Variants in RTCA observed in about 807,000 individuals in gnomAD.
RTCA encodes the protein RNA terminal phosphate cyclase domain 1.
RTCA carries 37 observed loss-of-function variants against 46.1 expected under a neutral mutation model. The observed-to-expected ratio is 0.80, with a 90% CI of 0.62 to 1.06. The LOEUF is 1.06. Among genes scored for constraint, RTCA ranks in the 50% least tolerant of loss-of-function variants. The probability of loss-of-function intolerance (pLI) is 0.00; values close to 1 mark genes in which losing one functional copy is unlikely to be tolerated. For missense variants in RTCA, 435 were observed against 455.5 expected, an observed-to-expected ratio of 0.95 and a Z score of 0.41; for synonymous variants, 164 against 158.3, an observed-to-expected ratio of 1.04 and a Z score of -0.27.
chr1:100,278,468 A>G (rs181718274), intron 8 of RTCA, among the ~76,000 whole-genome samples: 2 of 152,302 alleles, frequency 1.3e-5, no homozygotes, highest in Non-Finnish European at 2.9e-5. Context: ...ACTTTGTAGC[A>G]TCTTTAAAAA....
At chr1:100,272,832 A>T (rs1199311469) in intron 4 of RTCA, among the ~76,000 whole-genome samples, 1 of 152,240 alleles carries the variant, frequency 6.6e-6, no homozygotes, top group African/African-American at 2.4e-5. Flanking sequence ...ACAGAGCATT[A>T]TATACTGTAA....
intron 8 of RTCA, among the ~76,000 whole-genome samples, chr1:100,284,401 T>C (rs1666911306): frequency 6.6e-6 from 1 of 151,520 alleles, no homozygotes; most frequent in Non-Finnish European, 1.5e-5. Context: ...TCTTTAATTT[T>C]TTTTTTTTTT....
intron 3 of RTCA, among the ~76,000 whole-genome samples, chr1:100,269,741 CAT>C (rs1257655550): frequency 6.6e-6 from 1 of 152,148 alleles, no homozygotes; most frequent in Non-Finnish European, 1.5e-5. Flanking sequence ...CATATGTACA[CAT>C]GTGCCATAGT....
intron 2 of RTCA, 39 bp downstream of exon 2, chr1:100,266,663 G>T: frequency 6.5e-7 from 1 of 1,531,678 alleles, no homozygotes; most frequent in South Asian, 1.2e-5. Flanking sequence ...CGTGAAGCTG[G>T]GGGATCGGGG....
rs1199481918 is a variant in RTCA at position 100,275,730 on chromosome 1, C to T, written c.740+7C>T. 2.5e-6 allele frequency: 4 copies of T among 1,602,490 alleles called. No individual in the cohort carries two copies. The South Asian group carries it at 4.6e-5, about 18-fold the overall frequency. On this transcript the variant is annotated splice_region_variant and intron_variant, in intron 7 of 10. Coordinates refer to ENST00000370128, the MANE Select transcript of RTCA (RefSeq NM_003729.4). ...GCAATGGAAATGGAATAATGTGAGA[C>T]AATACTTTTTCCTACACATTAGTTG...
At chr1:100,274,203 C>G (rs968783722) in intron 5 of RTCA, among the ~76,000 whole-genome samples, 2 of 152,152 alleles carry the variant, frequency 1.3e-5, no homozygotes, top group African/African-American at 4.8e-5. Context: ...GACCTGTATT[C>G]TAGTAGACAG....
At chr1:100,267,327 A>G in intron 2 of RTCA, 1 of 586,100 alleles carries the variant, frequency 1.7e-6, no homozygotes. Context: ...CCAAAAGGCA[A>G]TTACTGATAT....
At chr1:100,267,198 T>G (rs1424696964) in intron 2 of RTCA, 1 of 312,180 alleles carries the variant, frequency 3.2e-6, no homozygotes, top group Non-Finnish European at 5.9e-6. Flanking sequence ...TTCAGGTACA[T>G]GCACCTGCTA....
chr1:100,266,636 TG>T lies in RTCA; in HGVS notation c.146+14del. On this transcript the variant is annotated intron_variant, in intron 2 of 10. Coordinates refer to ENST00000370128, the MANE Select transcript of RTCA (RefSeq NM_003729.4). ...ACGCCAGGCCTGAGGTAAATCTGGC[TG>T]GAGGGGGAGTTGGGCCGTGAAGCTG... The T allele has an allele frequency of 6.3e-7, 1 of 1,592,026 alleles. No individual in the cohort carries two copies. Among genetic ancestry groups the T allele is most frequent in the Non-Finnish European group, 8.6e-7 (1 of 1,166,900 alleles).
At chr1:100,289,176 T>G (rs1667216343) in intron 10 of RTCA, among the ~76,000 whole-genome samples, 1 of 151,974 alleles carries the variant, frequency 6.6e-6, no homozygotes, top group Non-Finnish European at 1.5e-5. Context: ...TTGCCCAGGC[T>G]AGATTACAAT....
chr1:100,268,043 G>C (rs1335433804), intron 2 of RTCA, 109 bp from the exon 3 acceptor site: 12 of 1,506,726 alleles, frequency 8.0e-6, no homozygotes, highest in Non-Finnish European at 9.9e-6. Context: ...ACTTACTGTG[G>C]TTAGACCTTG....
chr1:100,291,662 C>T lies in RTCA; in HGVS notation c.*158C>T, dbSNP rs1420231991. 4.4e-6 allele frequency: 2 copies of T among 454,282 alleles called. No homozygotes were observed. The highest frequency in any genetic ancestry group is 7.0e-5 in the East Asian group (2 of 28,378). 28.1% of individuals were successfully genotyped at this position (454,282 alleles called of 1,614,324 possible). ...GCTGAGAAGGCTTCATTAAATTAAT[C>T]TCACTTTGAATATCTCCTGAGAGAT... On this transcript the variant is annotated 3_prime_UTR_variant, in exon 11 of 11. Coordinates refer to ENST00000370128, the MANE Select transcript of RTCA (RefSeq NM_003729.4).
chr1:100,273,506 G>A, intron 5 of RTCA, 54 bp downstream of exon 5: 4 of 1,122,926 alleles, frequency 3.6e-6, no homozygotes, highest in Non-Finnish European at 5.1e-6. Flanking sequence ...TAGAAGTAGT[G>A]GAAAAGTTAG....
At chr1:100,284,739 C>T (rs1377221228) in intron 8 of RTCA, among the ~76,000 whole-genome samples, 6 of 152,134 alleles carry the variant, frequency 3.9e-5, no homozygotes, top group Middle Eastern at 3.2e-3. Flanking sequence ...AATTGTAACA[C>T]GCATGCTTTT....
At chr1:100,282,371 A>G (rs914032686) in intron 8 of RTCA, among the ~76,000 whole-genome samples, 13 of 152,172 alleles carry the variant, frequency 8.5e-5, no homozygotes, top group African/African-American at 2.2e-4. Flanking sequence ...TTTCCTTTAC[A>G]TCCTCCATCC....
At chr1:100,285,152 C>A in intron 8 of RTCA, 76 bp from the exon 9 acceptor site, 1 of 1,275,612 alleles carries the variant, frequency 7.8e-7, no homozygotes, top group Non-Finnish European at 1.1e-6. Flanking sequence ...TTGGGATATA[C>A]CAAACTTTTT....
chr1:100,277,209 A>AT, intron 7 of RTCA, 49 bp from the exon 8 acceptor site: 1 of 1,537,462 alleles, frequency 6.5e-7, no homozygotes, highest in Non-Finnish European at 9.0e-7. Context: ...ATTTGCATAA[A>AT]TTTGGAACAT....
intron 3 of RTCA, among the ~76,000 whole-genome samples, chr1:100,269,972 T>C (rs918226449): frequency 2.0e-5 from 3 of 152,224 alleles, no homozygotes; most frequent in African/African-American, 7.2e-5. Context: ...TTACTGAGAA[T>C]GATGGTTTCC....
intron 3 of RTCA, 113 bp from the exon 4 acceptor site, chr1:100,270,444 C>G: frequency 7.8e-7 from 1 of 1,288,510 alleles, no homozygotes; most frequent in Non-Finnish European, 1.1e-6. Context: ...CCTGCCTTCA[C>G]AGTTGTCTGT....
Sources: gnomAD v4.1 joint callset for allele counts (sites outside exome capture counted in the v4.1 genomes callset) on GRCh38, gnomAD v4.1.1 for gene constraint, MANE v1.5 for transcripts, NCBI Gene and HGNC (gene_info 2026-07-23, HGNC 2026-07-21) for gene names.